Variants in MAN1A1 observed in about 807,000 individuals in gnomAD.
MAN1A1 encodes the protein mannosyl-oligosaccharide 1,2-alpha-mannosidase IA.
A neutral mutation model predicts 70.8 loss-of-function variants in MAN1A1; 29 were observed. That is an observed-to-expected ratio of 0.41 (90% confidence interval 0.31 to 0.56). MAN1A1 has a LOEUF of 0.56. Ranked by LOEUF, MAN1A1 falls within the 20% of genes least tolerant of loss-of-function variation. MAN1A1 has a pLI of 0.29. For missense variants in MAN1A1, 747 were observed against 841.3 expected (o/e 0.89, Z 1.39); for synonymous variants, 349 against 330.1 (o/e 1.06, Z -0.62).
chr6:119,319,401 TCA>T, intron 2 of MAN1A1, among the ~76,000 whole-genome samples: 1 of 150,700 alleles, frequency 6.6e-6, no homozygotes, highest in East Asian at 1.9e-4. Flanking sequence ...ATCATCATCA[TCA>T]TCATTCATTC....
intron 11 of MAN1A1, among the ~76,000 whole-genome samples, chr6:119,183,045 A>G (rs1773193161): frequency 6.6e-6 from 1 of 152,224 alleles, no homozygotes; most frequent in Non-Finnish European, 1.5e-5. Context: ...AGTAAGTACC[A>G]GCCACGGATT....
rs186963989 is a variant in MAN1A1 at position 119,302,629 on chromosome 6, C to T, written c.701-526G>A. Among the ~76,000 whole-genome samples, 248 of 152,204 alleles carry T rather than the reference C, an allele frequency of 1.6e-3. 1 individual carries two copies. Among genetic ancestry groups the T allele is most frequent in the African/African-American group, 5.9e-3 (244 of 41,540 alleles). ...TCTCTCGACCTCATAATCCACCCAC[C>T]TAGGCCTCCCAAAGTGCTGAGATTA... On this transcript the variant is annotated intron_variant, in intron 3 of 12. Transcript: ENST00000368468.
chr6:119,331,413 G>A (rs1773306435), intron 2 of MAN1A1, among the ~76,000 whole-genome samples: 1 of 151,592 alleles, frequency 6.6e-6, no homozygotes, highest in Admixed American at 6.6e-5. Flanking sequence ...CCAAGATGAG[G>A]GAGAATAAAG....
intron 2 of MAN1A1, among the ~76,000 whole-genome samples, chr6:119,334,456 T>G (rs1773401565): frequency 6.6e-6 from 1 of 152,246 alleles, no homozygotes; most frequent in Non-Finnish European, 1.5e-5. Context: ...GTACCTCGTA[T>G]GTTAAGACTA....
At chr6:119,260,630 G>C (rs1030577215) in intron 5 of MAN1A1, among the ~76,000 whole-genome samples, 15 of 152,108 alleles carry the variant, frequency 9.9e-5, no homozygotes, top group Admixed American at 6.5e-4. Flanking sequence ...TAATTTACTT[G>C]AAAGCATCTT....
chr6:119,345,384 CTA>C (rs1773700553), intron 2 of MAN1A1, among the ~76,000 whole-genome samples: 1 of 152,120 alleles, frequency 6.6e-6, no homozygotes, highest in Non-Finnish European at 1.5e-5. Flanking sequence ...TAAATATACA[CTA>C]TGTATGTATC....
chr6:119,184,554 T>C (rs546233704), intron 11 of MAN1A1, among the ~76,000 whole-genome samples: 128 of 151,968 alleles, frequency 8.4e-4, no homozygotes, highest in Non-Finnish European at 1.7e-3. Context: ...CAAAGAGGGT[T>C]TGGAAACAGG....
At chr6:119,307,120 GAA>G in intron 2 of MAN1A1, 128 bp from the exon 3 acceptor site, 1 of 624,476 alleles carries the variant, frequency 1.6e-6, no homozygotes, top group Non-Finnish European at 2.8e-6. Context: ...CTAAGTAAAA[GAA>G]TTATGATTAT....
chr6:119,195,217 T>C (rs1773538092), intron 8 of MAN1A1, among the ~76,000 whole-genome samples: 1 of 152,138 alleles, frequency 6.6e-6, no homozygotes, highest in African/African-American at 2.4e-5. Flanking sequence ...AGATCACCCT[T>C]TACTCGAAGC....
intron 5 of MAN1A1, among the ~76,000 whole-genome samples, chr6:119,256,379 T>C (rs1775458065): frequency 6.6e-6 from 1 of 151,602 alleles, no homozygotes; most frequent in Admixed American, 6.6e-5. Flanking sequence ...AATGAGTAAA[T>C]GTTGATAAAT....
Position 119,177,900 on chromosome 6 carries a change from A to G in MAN1A1, c.*1919T>C, listed in dbSNP as rs1381030800. On this transcript the variant is annotated 3_prime_UTR_variant, in exon 13 of 13. Coordinates refer to ENST00000368468, the MANE Select transcript of MAN1A1 (RefSeq NM_005907.4). ...AGAAAATGAGTTAATTTAAATGGCA[A>G]ATTCAAGGACATTTATACAAACATT... The G allele has an allele frequency of 6.6e-6, 1 of 152,126 alleles. No individual in the cohort carries two copies. The highest frequency in any genetic ancestry group is 1.9e-4 in the East Asian group (1 of 5,200). 9.4% of individuals were successfully genotyped at this position (152,126 alleles called of 1,614,324 possible).
At chr6:119,228,468 T>C (rs1369481582) in intron 6 of MAN1A1, among the ~76,000 whole-genome samples, 1 of 152,158 alleles carries the variant, frequency 6.6e-6, no homozygotes, top group Non-Finnish European at 1.5e-5. Flanking sequence ...CTCAACCATC[T>C]AGACTTGCCA....
chr6:119,202,137 A>C (rs1265428653), intron 7 of MAN1A1, among the ~76,000 whole-genome samples: 1 of 152,164 alleles, frequency 6.6e-6, no homozygotes, highest in Non-Finnish European at 1.5e-5. Context: ...TAATTAAAAA[A>C]ATTTTGACTC....
chr6:119,236,610 A>G (rs1774852076), intron 6 of MAN1A1, among the ~76,000 whole-genome samples: 1 of 150,482 alleles, frequency 6.6e-6, no homozygotes, highest in Non-Finnish European at 1.5e-5. Flanking sequence ...CGGGAGGTTG[A>G]GGCAGAAGAA....
chr6:119,294,308 AT>A (rs1772137039), intron 4 of MAN1A1, among the ~76,000 whole-genome samples: 1 of 152,048 alleles, frequency 6.6e-6, no homozygotes, highest in African/African-American at 2.4e-5. Flanking sequence ...AAATGAATAC[AT>A]TCTTATTAAT....
chr6:119,292,872 T>G (rs1248679095), intron 4 of MAN1A1, among the ~76,000 whole-genome samples: 1 of 152,108 alleles, frequency 6.6e-6, no homozygotes. Context: ...GGCTTTAATA[T>G]TCTACAAAAT....
chr6:119,242,183 A>AG (rs1166486815), intron 6 of MAN1A1, among the ~76,000 whole-genome samples: 2 of 151,574 alleles, frequency 1.3e-5, no homozygotes, highest in Non-Finnish European at 2.9e-5. Flanking sequence ...ATTAGGCACT[A>AG]GCTAGCATGT....
At chr6:119,308,328 A>T (rs1772588581) in intron 2 of MAN1A1, among the ~76,000 whole-genome samples, 1 of 152,202 alleles carries the variant, frequency 6.6e-6, no homozygotes, top group African/African-American at 2.4e-5. Flanking sequence ...ACTGAATCAG[A>T]TTGTTGATCT....
At chr6:119,244,541 T>C (rs931430579) in intron 6 of MAN1A1, among the ~76,000 whole-genome samples, 3 of 152,086 alleles carry the variant, frequency 2.0e-5, no homozygotes, top group African/African-American at 7.2e-5. Flanking sequence ...GAAAAGACAA[T>C]TAAAATTTTT....
Sources: gnomAD v4.1 joint callset for allele counts (sites outside exome capture counted in the v4.1 genomes callset) on GRCh38, gnomAD v4.1.1 for gene constraint, MANE v1.5 for transcripts, NCBI Gene and HGNC (gene_info 2026-07-23, HGNC 2026-07-21) for gene names.